The following AMOT variants were observed in gnomAD, a reference collection of about 807,000 sequenced individuals.
AMOT encodes angiomotin.
In AMOT, 11 loss-of-function variants were observed where a neutral mutation model predicts 67.0. That is an observed-to-expected ratio of 0.16 (90% CI 0.10 to 0.27). The LOEUF is 0.27. AMOT is among the 10% of genes least tolerant of loss of function. The pLI, the probability that AMOT is intolerant of heterozygous loss-of-function variation, is 1.00. For missense variants in AMOT, 753 were observed against 852.0 expected, an observed-to-expected ratio of 0.88 and a Z score of 1.45; for synonymous variants, 326 against 321.4, an observed-to-expected ratio of 1.01 and a Z score of -0.15.
chrX:112,831,866 T>TGC (rs1182580961), intron 2 of AMOT, among the ~76,000 whole-genome samples: 1 of 110,723 alleles, frequency 9.0e-6, no homozygotes, highest in Non-Finnish European at 1.9e-5. Flanking sequence ...TTAGGTACTT[T>TGC]GCAAATGTGG....
chrX:112,824,149 T>C (rs1172277890), intron 3 of AMOT, among the ~76,000 whole-genome samples: 1 of 112,077 alleles, frequency 8.9e-6, no homozygotes, highest in East Asian at 2.8e-4. Context: ...TCCTCTTTTC[T>C]TGATGTCTAT....
intron 1 of AMOT, among the ~76,000 whole-genome samples, chrX:112,834,984 T>C (rs1350265032): frequency 8.9e-6 from 1 of 112,257 alleles, no homozygotes; most frequent in Non-Finnish European, 1.9e-5. Flanking sequence ...TTAATGGTAA[T>C]TACAGTCAGT....
chrX:112,799,755 G>A (rs1008291126), intron 8 of AMOT, among the ~76,000 whole-genome samples: 1 of 111,681 alleles, frequency 9.0e-6, no homozygotes, highest in Non-Finnish European at 1.9e-5. Flanking sequence ...TGCTACCTCA[G>A]GAATAGGGCT....
chrX:112,797,898 GAGAAAGAA>G (rs546026722), intron 8 of AMOT, among the ~76,000 whole-genome samples: 21 of 109,510 alleles, frequency 1.9e-4, no homozygotes, highest in African/African-American at 4.6e-4. Flanking sequence ...GAGAGAAAGA[GAGAAAGAA>G]AGAAAGAAAG....
At chrX:112,786,125 A>C (rs939823840) in intron 10 of AMOT, among the ~76,000 whole-genome samples, 2 of 111,970 alleles carry the variant, frequency 1.8e-5, no homozygotes, top group Non-Finnish European at 3.8e-5. Context: ...TAGAGCAGAG[A>C]ACAATATAAC....
chrX:112,802,487 C>T (rs1934046462), intron 8 of AMOT, among the ~76,000 whole-genome samples: 1 of 112,060 alleles, frequency 8.9e-6, no homozygotes, highest in Non-Finnish European at 1.9e-5. Flanking sequence ...TAGAAGTGAG[C>T]GGGCTTGAAA....
chrX:112,833,679 T>A (rs1395391574), intron 1 of AMOT, among the ~76,000 whole-genome samples: 2 of 112,184 alleles, frequency 1.8e-5, no homozygotes, highest in African/African-American at 6.5e-5. Flanking sequence ...ATACGGGAAA[T>A]TCAAATAAGC....
intron 4 of AMOT, chrX:112,819,317 A>T: frequency 1.3e-6 from 1 of 749,594 alleles, no homozygotes; most frequent in Non-Finnish European, 1.6e-6. Context: ...AACTTGATTG[A>T]TCCTCACCAC....
chrX:112,826,463 C>T (rs1205961333), intron 2 of AMOT, among the ~76,000 whole-genome samples: 2 of 112,393 alleles, frequency 1.8e-5, no homozygotes, highest in African/African-American at 6.5e-5. Context: ...TTTGGCACAA[C>T]ATATAATCAT....
In AMOT at chrX:112,778,340, G is replaced by C. The variant is rs1416533885; in HGVS notation, c.*227C>G. 3 of 293,639 alleles carry C rather than the reference G, an allele frequency of 1.0e-5. No individual in the cohort carries two copies. Among genetic ancestry groups the C allele is most frequent in the Non-Finnish European group, 1.8e-5 (3 of 166,195 alleles). The allele number at this position is 293,639 out of a possible 1,213,427, so 24.2% of individuals were successfully genotyped here. ...GTATAAATTCAAACAATAAGCTTTA[G>C]AGCACATTCTGATTAATCTGTCTTT... On this transcript the variant is annotated 3_prime_UTR_variant, in exon 14 of 14. Transcript: ENST00000371959.
chrX:112,816,699 G>C (rs1047101630), intron 4 of AMOT, among the ~76,000 whole-genome samples: 1 of 111,851 alleles, frequency 8.9e-6, no homozygotes, highest in Non-Finnish European at 1.9e-5. Flanking sequence ...TAGAGTGGTG[G>C]TGCCAAGATA....
In AMOT at chrX:112,779,099, T is replaced by C. The variant is rs759213175; in HGVS notation, c.3055A>G (p.Thr1019Ala). The C allele has an allele frequency of 4.3e-5, 51 of 1,176,537 alleles. No homozygotes were observed. The highest frequency in any genetic ancestry group is 6.0e-5 in the East Asian group (2 of 33,593). ...ACCTCAGCCTGAGCCACAGCTGGAG[T>C]TGGAGTTGGAGCTGGAGTTGGAGCC... ...AVAPTPAPTP[T>A]PAVAQAEVPA... The change falls in exon 13 of 14, where the codon ACT becomes GCT. Residue 1019 changes from threonine to alanine, a missense_variant. Thr to Ala is a moderately conservative substitution (Grantham distance 58). Transcript: ENST00000371959.
Position 112,780,883 on chromosome X carries a change from T to C in AMOT, c.2473+3A>G. ...TATAATCTTCCTTATTTACTGTCAT[T>C]ACCTAGGCTCCCCTTCCAGCTCTTG... On this transcript the variant is annotated splice_donor_region_variant and intron_variant, in intron 12 of 13. Coordinates refer to ENST00000371959, the MANE Select transcript of AMOT (RefSeq NM_001113490.2). 1 of 1,208,973 alleles carries C rather than the reference T, an allele frequency of 8.3e-7. No individual in the cohort carries two copies. Among genetic ancestry groups the C allele is most frequent in the Non-Finnish European group, 1.1e-6 (1 of 892,915 alleles).
Position 112,778,579 on chromosome X carries a change from T to C in AMOT, c.3243A>G (p.Glu1081=). 8.3e-7 allele frequency: 1 copy of C among 1,204,875 alleles called. No individual in the cohort carries two copies. Among genetic ancestry groups the C allele is most frequent in the Non-Finnish European group, 1.1e-6 (1 of 890,718 alleles). The change falls in exon 14 of 14, where the codon GAA becomes GAG. Residue 1081 remains glutamate (E), a synonymous_variant. Coordinates refer to ENST00000371959, the MANE Select transcript of AMOT (RefSeq NM_001113490.2). Reference sequence around the variant, plus strand: ...TTGATTTGGCCGTTTAGATGAGATATTCCACCATCTCTGCATCAGGCTCTT... The same window carrying C: ...TTGATTTGGCCGTTTAGATGAGATACTCCACCATCTCTGCATCAGGCTCTT... ...LGQEPDAEMV[E]YLI
intron 8 of AMOT, among the ~76,000 whole-genome samples, chrX:112,804,455 C>A (rs1439956278): frequency 1.8e-5 from 2 of 111,782 alleles, no homozygotes; most frequent in African/African-American, 6.5e-5. Flanking sequence ...TCCCACTAAG[C>A]CTGGGTAGAC....
intron 4 of AMOT, among the ~76,000 whole-genome samples, chrX:112,821,043 G>GAA (rs60885965): frequency 1.8e-5 from 2 of 109,641 alleles, no homozygotes; most frequent in South Asian, 3.9e-4. Context: ...ACCTGCAGGG[G>GAA]AAAAAAAAGA....
At chrX:112,809,826 T>C (rs1934300000) in intron 7 of AMOT, 68 bp downstream of exon 7, 4 of 926,883 alleles carry the variant, frequency 4.3e-6, no homozygotes, top group African/African-American at 3.9e-5. Flanking sequence ...AAGAGAACAG[T>C]GTAATCTTTT....
chrX:112,786,212 T>C (rs901067111), intron 10 of AMOT, among the ~76,000 whole-genome samples: 1 of 112,022 alleles, frequency 8.9e-6, no homozygotes, highest in Non-Finnish European at 1.9e-5. Flanking sequence ...TAGGTAGACA[T>C]GCATTATGTG....
intron 4 of AMOT, 122 bp downstream of exon 4, chrX:112,822,133 T>G: frequency 1.1e-6 from 1 of 898,262 alleles, no homozygotes; most frequent in Non-Finnish European, 1.5e-6. Context: ...GCCAGAGGCC[T>G]GTCATGCATT....
Sources: allele counts gnomAD v4.1 joint callset (sites outside exome capture counted in the v4.1 genomes callset), GRCh38; gene constraint gnomAD v4.1.1; transcripts MANE v1.5; gene names NCBI Gene and HGNC (gene_info 2026-07-23, HGNC 2026-07-21).